The following AKR1E2 variants were observed in gnomAD, a reference collection of about 807,000 sequenced individuals.
AKR1E2 encodes 1,5-anhydro-D-fructose reductase.
In AKR1E2, 43 loss-of-function variants were observed where a neutral mutation model predicts 41.9. The observed-to-expected ratio is 1.03, with a 90% CI of 0.80 to 1.32. The LOEUF is 1.32. Among genes scored for constraint, AKR1E2 ranks in the 40% most tolerant of loss-of-function variants. The pLI is 0.00. For missense variants in AKR1E2, 423 were observed against 396.5 expected, an observed-to-expected ratio of 1.07 and a Z score of -0.57; for synonymous variants, 121 against 138.9, an observed-to-expected ratio of 0.87 and a Z score of 0.91.
Position 4,833,465 on chromosome 10 carries a change from A to C in AKR1E2, c.323A>C (p.Lys108Thr). 1 of 1,612,718 alleles carries C rather than the reference A, an allele frequency of 6.2e-7. No homozygotes were observed. Among genetic ancestry groups the C allele is most frequent in the Non-Finnish European group, 8.5e-7 (1 of 1,178,740 alleles). The change falls in exon 3 of 10, where the codon AAG becomes ACG. Residue 108 changes from lysine (K) to threonine (T), a missense_variant and splice_region_variant. Physicochemically the swap from Lys to Thr is moderately conservative, Grantham distance 78. Coordinates refer to ENST00000298375, the MANE Select transcript of AKR1E2 (RefSeq NM_001040177.3). The part of the protein sequence containing the change: ...LYLIHWPMGF[K>T]PPHPEWIMSC... ...CTCATACACTGGCCCATGGGTTTCA[A>C]GGTACCGTTCAGTAGGTAGTTCGTT...
chr10:4,839,396 T>C (rs1833691673), intron 5 of AKR1E2, among the ~76,000 whole-genome samples: 1 of 152,226 alleles, frequency 6.6e-6, no homozygotes, highest in Non-Finnish European at 1.5e-5. Context: ...TAGTGATAGA[T>C]GCTGTAGAGG....
At chr10:4,852,745 T>TTG (rs1223034213), downstream of AKR1E2, among the ~76,000 whole-genome samples, 220 of 152,210 alleles carry the variant, frequency 1.4e-3, 1 homozygote, top group Non-Finnish European at 2.0e-3. Context: ...TTTTGTTGTT[T>TTG]TTGTTCTAAA....
chr10:4,849,205 T>C (rs1052822080), downstream of AKR1E2, among the ~76,000 whole-genome samples: 1 of 152,188 alleles, frequency 6.6e-6, no homozygotes, highest in African/African-American at 2.4e-5. Context: ...CAGAAGACTG[T>C]TTACAAAGGA....
chr10:4,840,429 G>C (rs1833784329), intron 6 of AKR1E2, among the ~76,000 whole-genome samples: 1 of 152,228 alleles, frequency 6.6e-6, no homozygotes, highest in African/African-American at 2.4e-5. Flanking sequence ...CATTAGAGGA[G>C]CCCCTCAGCT....
chr10:4,856,475 G>A, the AKR1E2 span, among the ~76,000 whole-genome samples: 1 of 152,184 alleles, frequency 6.6e-6, no homozygotes, highest in African/African-American at 2.4e-5. Flanking sequence ...TGGTCAAAGT[G>A]AATACGATTG....
chr10:4,839,191 T>C (rs1161766984), intron 5 of AKR1E2, among the ~76,000 whole-genome samples: 1 of 152,240 alleles, frequency 6.6e-6, no homozygotes, highest in African/African-American at 2.4e-5. Context: ...ATTTGTCACA[T>C]GTAGTTCCTC....
the AKR1E2 span, among the ~76,000 whole-genome samples, chr10:4,853,636 G>T: frequency 1.3e-5 from 2 of 152,164 alleles, no homozygotes; most frequent in African/African-American, 4.8e-5. Flanking sequence ...ATAGACTTTG[G>T]TTTGGTCTGG....
chr10:4,833,225 T>G, intron 2 of AKR1E2, 125 bp from the exon 3 acceptor site: 2 of 736,402 alleles, frequency 2.7e-6, no homozygotes, highest in Non-Finnish European at 4.9e-6. Context: ...ACTTGCCGTG[T>G]TGTATTTGTG....
the AKR1E2 span, among the ~76,000 whole-genome samples, chr10:4,870,566 C>G: frequency 6.6e-6 from 1 of 152,012 alleles, no homozygotes; most frequent in South Asian, 2.1e-4. Flanking sequence ...ATACAAGATT[C>G]TGGATTGAAA....
chr10:4,830,877 G>T, intron 2 of AKR1E2, 35 bp downstream of exon 2: 2 of 1,612,114 alleles, frequency 1.2e-6, no homozygotes, highest in South Asian at 1.1e-5. Flanking sequence ...GCAGAGCTTG[G>T]GTAATGCTAC....
At chr10:4,837,624 G>C in intron 5 of AKR1E2, 43 bp downstream of exon 5, 1 of 1,589,396 alleles carries the variant, frequency 6.3e-7, no homozygotes, top group Non-Finnish European at 8.6e-7. Context: ...TGTGTGGCTG[G>C]TCCCCCAGCT....
At chr10:4,828,294 G>A (rs1205382040) in intron 1 of AKR1E2, among the ~76,000 whole-genome samples, 1 of 152,220 alleles carries the variant, frequency 6.6e-6, no homozygotes, top group Non-Finnish European at 1.5e-5. Flanking sequence ...GTGTTCTCAA[G>A]ATGATGGCTG....
chr10:4,846,525 C>T (rs1013162110), intron 8 of AKR1E2, among the ~76,000 whole-genome samples: 5 of 150,570 alleles, frequency 3.3e-5, no homozygotes, highest in African/African-American at 1.2e-4. Context: ...GTAGCAGAGT[C>T]AGTGGGAAAA....
At chr10:4,841,941 C>A in intron 7 of AKR1E2, 84 bp downstream of exon 7, 1 of 1,267,774 alleles carries the variant, frequency 7.9e-7, no homozygotes, top group Non-Finnish European at 1.1e-6. Flanking sequence ...TGGCAGGTCC[C>A]AGGAAGGGAC....
At chr10:4,862,909 G>GGTAA in the AKR1E2 span, among the ~76,000 whole-genome samples, 3 of 26,310 alleles carry the variant, frequency 1.1e-4, no homozygotes, top group East Asian at 5.0e-3. Flanking sequence ...AACAAGAAGA[G>GGTAA]CTAACCTAAA....
intron 8 of AKR1E2, among the ~76,000 whole-genome samples, chr10:4,845,275 C>G (rs1421072926): frequency 6.6e-6 from 1 of 152,198 alleles, no homozygotes; most frequent in Admixed American, 6.5e-5. Context: ...CACGCGCAGC[C>G]CCGATTCCCA....
the AKR1E2 span, among the ~76,000 whole-genome samples, chr10:4,866,278 G>C: frequency 2.7e-4 from 41 of 152,320 alleles, no homozygotes; most frequent in African/African-American, 8.7e-4. Flanking sequence ...CGGTGGACTA[G>C]AAAAGAATCC....
At position 4,833,464 on chromosome 10, in the gene AKR1E2, A is replaced by G. The variant is rs1315596375; in HGVS notation, c.322A>G (p.Lys108Glu). 2 of 1,612,612 alleles carry G rather than the reference A, an allele frequency of 1.2e-6. No homozygotes were observed. The highest frequency in any genetic ancestry group is 1.7e-6 in the Non-Finnish European group (2 of 1,178,770). Residue 108 changes from lysine to glutamate, a missense_variant and splice_region_variant, in exon 3 of 10, where the codon AAG becomes GAG. Lys to Glu is a moderately conservative substitution (Grantham distance 56, BLOSUM62 1). Transcript: ENST00000298375. Reference protein sequence around the residue: ...LYLIHWPMGFKPPHPEWIMSC... With the variant: ...LYLIHWPMGFEPPHPEWIMSC... ...CCTCATACACTGGCCCATGGGTTTC[A>G]AGGTACCGTTCAGTAGGTAGTTCGT...
chr10:4,844,094 G>A (rs1209639115), intron 8 of AKR1E2, among the ~76,000 whole-genome samples: 2 of 152,142 alleles, frequency 1.3e-5, no homozygotes, highest in African/African-American at 2.4e-5. Flanking sequence ...ATGAAGCCGC[G>A]GACCCTTGCG....
Sources: allele counts gnomAD v4.1 joint callset (sites outside exome capture counted in the v4.1 genomes callset), GRCh38; gene constraint gnomAD v4.1.1; transcripts MANE v1.5; gene names NCBI Gene and HGNC (gene_info 2026-07-23, HGNC 2026-07-21).